CCDC93: variants seen among roughly 807,000 people sequenced by gnomAD.
CCDC93 encodes CCC complex scaffolding subunit CCDC93, also known as coiled-coil domain-containing protein 93.
A neutral mutation model predicts 108.2 loss-of-function variants in CCDC93; 61 were observed. The ratio of observed to expected loss-of-function variants is 0.56; its 90% confidence interval spans 0.46 to 0.70. CCDC93 has a LOEUF of 0.70. Ranked by LOEUF, CCDC93 falls within the 30% of genes least tolerant of loss-of-function variation. The pLI is 0.00. For synonymous variants in CCDC93, 276 were observed against 260.4 expected, an observed-to-expected ratio of 1.06 and a Z score of -0.58; for missense variants, 685 against 764.2, an observed-to-expected ratio of 0.90 and a Z score of 1.22.
At chr2:117,978,784 T>A (rs929524661) in intron 7 of CCDC93, among the ~76,000 whole-genome samples, 1 of 152,080 alleles carries the variant, frequency 6.6e-6, no homozygotes, top group African/African-American at 2.4e-5. Context: ...GAGGCGGGCC[T>A]ATCACCTGAC....
At chr2:118,001,540 ATTTCCATACAGAAGAGATAT>A (rs1409279854) in intron 3 of CCDC93, among the ~76,000 whole-genome samples, 1 of 151,588 alleles carries the variant, frequency 6.6e-6, no homozygotes. Flanking sequence ...CCTCACTCTC[ATTTCCATACAGAAGAGATAT>A]TTTCTGCTTC....
At chr2:117,993,192 C>G (rs1399496259) in intron 6 of CCDC93, among the ~76,000 whole-genome samples, 1 of 151,942 alleles carries the variant, frequency 6.6e-6, no homozygotes, top group Non-Finnish European at 1.5e-5. Context: ...GTCAGGAGAT[C>G]GAGACCATCC....
intron 23 of CCDC93, among the ~76,000 whole-genome samples, chr2:117,926,371 G>C (rs867821338): frequency 1.7e-4 from 26 of 152,098 alleles, no homozygotes; most frequent in African/African-American, 3.9e-4. Flanking sequence ...TAGACTGCTA[G>C]CAAGACTAAT....
intron 8 of CCDC93, among the ~76,000 whole-genome samples, chr2:117,977,103 T>C (rs1679967908): frequency 6.6e-6 from 1 of 151,996 alleles, no homozygotes; most frequent in Non-Finnish European, 1.5e-5. Flanking sequence ...TCCCGGAGAA[T>C]GTTTTTTTGT....
At chr2:117,936,860 T>C (rs1303334302) in intron 20 of CCDC93, 121 bp from the exon 21 acceptor site, 5 of 780,900 alleles carry the variant, frequency 6.4e-6, no homozygotes, top group Non-Finnish European at 1.1e-5. Context: ...ATGCCTTGTT[T>C]ATGAAGATTA....
intron 12 of CCDC93, among the ~76,000 whole-genome samples, chr2:117,952,687 ACTTTT>A (rs918336610): frequency 6.6e-6 from 1 of 152,160 alleles, no homozygotes; most frequent in African/African-American, 2.4e-5. Context: ...GAAAAAAGAC[ACTTTT>A]CTTATTTTAC....
intron 11 of CCDC93, among the ~76,000 whole-genome samples, chr2:117,963,289 T>A (rs1462975628): frequency 6.6e-6 from 1 of 152,156 alleles, no homozygotes; most frequent in Non-Finnish European, 1.5e-5. Context: ...GCATGCCCAT[T>A]CCTCCCTAAA....
chr2:117,925,490 G>C (rs1485925311), intron 23 of CCDC93, among the ~76,000 whole-genome samples: 1 of 152,178 alleles, frequency 6.6e-6, no homozygotes, highest in Non-Finnish European at 1.5e-5. Flanking sequence ...TGATAAAACA[G>C]ACTTTAAACC....
chr2:118,000,936 T>C lies in CCDC93; in HGVS notation c.252-4A>G, dbSNP rs552317107. 908 of 1,585,368 alleles carry C rather than the reference T, an allele frequency of 5.7e-4. 17 individuals carry two copies. The South Asian group carries it at 9.7e-3, about 17-fold the overall frequency. On this transcript the variant is annotated splice_region_variant and splice_polypyrimidine_tract_variant and intron_variant, in intron 3 of 23. Coordinates refer to ENST00000376300, the MANE Select transcript of CCDC93 (RefSeq NM_019044.5). ...GACAATTTTTTCTGACAGAGCTCTG[T>C]TCAGAAAAAGTAACAAGCAAAGAGT...
chr2:117,967,289 A>G (rs1679617428), intron 11 of CCDC93, among the ~76,000 whole-genome samples: 1 of 152,216 alleles, frequency 6.6e-6, no homozygotes, highest in Non-Finnish European at 1.5e-5. Context: ...CACCATGCCT[A>G]GCCAGATATT....
rs186162584 is a variant in CCDC93 at position 117,928,920 on chromosome 2, C to T, written c.1842+2117G>A. 2.2e-3 allele frequency among the ~76,000 whole-genome samples: 339 copies of T among 152,282 alleles called. 1 individual carries two copies. Among genetic ancestry groups the T allele is most frequent in the African/African-American group, 7.8e-3 (325 of 41,542 alleles). ...TGTGGCACATATACACCACGGAATACTATGCAGCCATAAAAAAGGATGAGT... is the reference window on the plus strand; with the variant it reads ...TGTGGCACATATACACCACGGAATATTATGCAGCCATAAAAAAGGATGAGT... On this transcript the variant is annotated intron_variant, in intron 23 of 23. Transcript: ENST00000376300.
chr2:117,952,372 CCT>C lies in CCDC93; in HGVS notation c.1067_1068del (p.Glu356AlafsTer6). ...AGAAGAAGGAGAATCTATCTGCTCA[CCT>C]CTGTCAGCGTTTTCTTGGCTTCATT... ...RYNEAKKTLT[E>X]LKTYSEKLDK... On this transcript the variant is annotated frameshift_variant and splice_region_variant, in exon 13 of 24. Transcript: ENST00000376300. LOFTEE classifies it high-confidence loss of function. 6.2e-7 allele frequency: 1 copy of C among 1,605,834 alleles called. No individual in the cohort carries two copies. The highest frequency in any genetic ancestry group is 1.1e-5 in the South Asian group (1 of 90,926).
In CCDC93 at chr2:117,917,222, G is replaced by C. The variant is rs1330454887; in HGVS notation, c.*3121C>G. 6.6e-6 allele frequency: 1 copy of C among 152,666 alleles called. No homozygotes were observed. Among genetic ancestry groups the C allele is most frequent in the African/African-American group, 2.4e-5 (1 of 41,436 alleles). 9.5% of individuals were successfully genotyped at this position (152,666 alleles called of 1,614,324 possible). ...GCACAGGTTAGAGCCAGGGCTCACTGTCCGGAGTGCCCTTTCAGGCAGGTC... is the reference window on the plus strand; with the variant it reads ...GCACAGGTTAGAGCCAGGGCTCACTCTCCGGAGTGCCCTTTCAGGCAGGTC... On this transcript the variant is annotated 3_prime_UTR_variant, in exon 24 of 24. Coordinates refer to ENST00000376300, the MANE Select transcript of CCDC93 (RefSeq NM_019044.5).
At chr2:117,994,211 CTTTAA>C (rs56169338) in intron 6 of CCDC93, among the ~76,000 whole-genome samples, 61,059 of 151,670 alleles carry the variant, frequency 0.4, 12,743 homozygotes, top group Middle Eastern at 0.53. Flanking sequence ...GAAAAATCAA[CTTTAA>C]TTTAATTCCC....
At chr2:117,970,913 T>A (rs1487826147) in intron 11 of CCDC93, among the ~76,000 whole-genome samples, 1 of 152,156 alleles carries the variant, frequency 6.6e-6, no homozygotes, top group Non-Finnish European at 1.5e-5. Context: ...TGATAACCAA[T>A]CATCCAACAC....
intron 23 of CCDC93, among the ~76,000 whole-genome samples, chr2:117,923,346 C>A (rs1677951252): frequency 6.6e-6 from 1 of 152,168 alleles, no homozygotes; most frequent in Non-Finnish European, 1.5e-5. Context: ...CACAAGGGGT[C>A]AGGGAATTCC....
At chr2:117,954,487 C>T (rs866245262) in intron 12 of CCDC93, among the ~76,000 whole-genome samples, 1 of 151,916 alleles carries the variant, frequency 6.6e-6, no homozygotes, top group Non-Finnish European at 1.5e-5. Flanking sequence ...AGGAAGTGTC[C>T]CAGTAGCTTA....
chr2:117,987,951 A>T (rs1192798266), intron 6 of CCDC93, among the ~76,000 whole-genome samples: 1 of 152,048 alleles, frequency 6.6e-6, no homozygotes, highest in African/African-American at 2.4e-5. Flanking sequence ...TCTATAGACG[A>T]ACTTAGGCAC....
intron 11 of CCDC93, among the ~76,000 whole-genome samples, chr2:117,966,769 G>C (rs1679593842): frequency 6.6e-6 from 1 of 152,208 alleles, no homozygotes; most frequent in African/African-American, 2.4e-5. Context: ...GGAAAGATAT[G>C]ACTTCAAGAT....
Sources: gnomAD v4.1 joint callset for allele counts (sites outside exome capture counted in the v4.1 genomes callset) on GRCh38, gnomAD v4.1.1 for gene constraint, MANE v1.5 for transcripts, NCBI Gene and HGNC (gene_info 2026-07-23, HGNC 2026-07-21) for gene names.